FAM20A: variants seen among roughly 807,000 people sequenced by gnomAD.
The protein encoded by FAM20A is pseudokinase FAM20A.
Under a neutral mutation model 52.0 loss-of-function variants are expected in FAM20A, and 42 were observed. The observed-to-expected ratio is 0.81, with a 90% CI of 0.63 to 1.04. The LOEUF (loss-of-function observed/expected upper bound fraction) is 1.04. Ranked by LOEUF, FAM20A falls within the 50% of genes least tolerant of loss-of-function variation. The pLI is 0.00. For synonymous variants in FAM20A, 304 were observed against 298.9 expected (o/e 1.02, Z -0.18); for missense variants, 742 against 712.7 (o/e 1.04, Z -0.47).
intron 1 of FAM20A, among the ~76,000 whole-genome samples, chr17:68,572,578 C>T (rs955000816): frequency 2.0e-4 from 31 of 152,206 alleles, no homozygotes; most frequent in African/African-American, 7.5e-4. Flanking sequence ...GAAACCTCAG[C>T]ACTGCGTTTG....
At position 68,551,006 on chromosome 17, in the gene FAM20A, C is replaced by T. The variant is rs140661991; in HGVS notation, c.719+867G>A. 4.5e-4 allele frequency: 518 copies of T among 1,138,670 alleles called. 3 individuals are homozygous for T. In the African/African-American group the frequency reaches 7.7e-3, roughly 17 times the overall value. The allele number at this position is 1,138,670 out of a possible 1,614,324, so 70.5% of individuals were successfully genotyped here. On this transcript the variant is annotated intron_variant, in intron 4 of 10. Coordinates refer to ENST00000592554, the MANE Select transcript of FAM20A (RefSeq NM_017565.4). The stretch of plus-strand genomic sequence containing the variant: ...GGAATCTGCCAGTCTAATTGTATTC[C>T]ACTGGAAGAAGCACATTCTGGAGGA...
chr17:68,555,866 G>A, intron 1 of FAM20A, 123 bp from the exon 2 acceptor site: 3 of 1,164,108 alleles, frequency 2.6e-6, no homozygotes, highest in Non-Finnish European at 3.8e-6. Context: ...CATCTAATGA[G>A]GGCTAGGCTT....
chr17:68,572,616 T>C (rs2087596907), intron 1 of FAM20A, among the ~76,000 whole-genome samples: 1 of 152,114 alleles, frequency 6.6e-6, no homozygotes, highest in Non-Finnish European at 1.5e-5. Flanking sequence ...CATGATAGAA[T>C]TATGCAGAAC....
At chr17:68,550,149 G>T (rs887919034) in intron 4 of FAM20A, among the ~76,000 whole-genome samples, 3 of 152,094 alleles carry the variant, frequency 2.0e-5, no homozygotes, top group Non-Finnish European at 4.4e-5. Flanking sequence ...TTGACTCTAA[G>T]TGATGATGAC....
intron 1 of FAM20A, among the ~76,000 whole-genome samples, chr17:68,572,258 C>T (rs1396607934): frequency 2.0e-5 from 3 of 151,768 alleles, no homozygotes; most frequent in Admixed American, 1.3e-4. Flanking sequence ...ACCTGGCTCC[C>T]TTCTCAACTC....
rs149970399 is a variant in FAM20A, at chr17:68,539,955, G to A, written c.1231C>T (p.Arg411Trp). The change falls in exon 9 of 11, where the codon CGG (arginine) becomes TGG (tryptophan). Residue 411 changes from arginine to tryptophan, a missense_variant. Arg to Trp is a moderately radical substitution (Grantham distance 101). Coordinates refer to ENST00000592554, the MANE Select transcript of FAM20A (RefSeq NM_017565.4). The part of the protein sequence containing the change: ...IFDFLIGNMD[R>W]HHYEMFTKFG... ...TTGGTGAACATCTCATAATGGTGCC[G>A]GTCCATATTCCCTGTGAAGGAGGGG... 8 of 1,614,064 alleles carry A rather than the reference G, an allele frequency of 5.0e-6. No individual in the cohort carries two copies. Among genetic ancestry groups the A allele is most frequent in the Admixed American group, 1.7e-5 (1 of 60,008 alleles).
At chr17:68,582,255 G>C (rs1205357680) in intron 1 of FAM20A, 4 of 152,274 alleles carry the variant, frequency 2.6e-5, no homozygotes, top group Non-Finnish European at 2.9e-5. Flanking sequence ...ATGTAGGAGG[G>C]GAAGGGGGGC....
intron 6 of FAM20A, 86 bp from the exon 7 acceptor site, chr17:68,542,251 G>C: frequency 7.0e-7 from 1 of 1,438,818 alleles, no homozygotes; most frequent in Admixed American, 1.8e-5. Flanking sequence ...CACTGGGAGG[G>C]AAGGGAAACC....
chr17:68,543,627 A>T lies in FAM20A; in HGVS notation c.812+2T>A. 1.9e-6 allele frequency: 3 copies of T among 1,613,908 alleles called. No homozygotes were observed. Among genetic ancestry groups the T allele is most frequent in the Non-Finnish European group, 2.5e-6 (3 of 1,179,814 alleles). The stretch of plus-strand genomic sequence containing the variant: ...TGCCATCTCCATGGGGCCAGACCCT[A>T]CCTGTCCAGATGGAAAGCTGCGATC... On this transcript the variant is annotated splice_donor_variant, in intron 5 of 10. Transcript: ENST00000592554. LOFTEE classifies it high-confidence loss of function.
At position 68,568,899 on chromosome 17, in the gene FAM20A, T is replaced by G. The variant is rs534237321; in HGVS notation, c.405-13156A>C. Among the ~76,000 whole-genome samples the G allele has an allele frequency of 4.5e-4, 65 of 144,198 alleles. 1 individual carries two copies. The highest frequency in any genetic ancestry group is 1.6e-3 in the African/African-American group (64 of 39,746). 94.6% of individuals were successfully genotyped at this position (144,198 alleles called of 152,430 possible). On this transcript the variant is annotated intron_variant, in intron 1 of 10. Transcript: ENST00000592554. ...CCAGGGATTTGACGTGGATATATTT[T>G]GGGTAGGGGTGGGAGCAGGGGTGGG...
chr17:68,540,894 G>C lies in FAM20A; in HGVS notation c.1174C>G (p.Arg392Gly). Residue 392 changes from arginine (R) to glycine (G), a missense_variant, in exon 8 of 11, where the codon CGG becomes GGG. Coordinates refer to ENST00000592554, the MANE Select transcript of FAM20A (RefSeq NM_017565.4). ...GCCATGTCGATGACATTGAGGAGCC[G>C]CTGGCTGTTGTTGTACGGGTAGATC... ...KQIYPYNNSQRLLNVIDMAIF... is the reference protein window; with the variant it reads ...KQIYPYNNSQGLLNVIDMAIF... 6.2e-7 allele frequency: 1 copy of C among 1,605,208 alleles called. No homozygotes were observed. The highest frequency in any genetic ancestry group is 8.5e-7 in the Non-Finnish European group (1 of 1,176,014).
At chr17:68,540,423 A>G (rs2086233117) in intron 8 of FAM20A, 4 of 462,160 alleles carry the variant, frequency 8.7e-6, no homozygotes, top group Non-Finnish European at 1.3e-5. Context: ...GGCCACCTTC[A>G]TAAGTGTCTC....
intron 1 of FAM20A, among the ~76,000 whole-genome samples, chr17:68,560,672 G>A (rs904738812): frequency 6.6e-6 from 1 of 152,214 alleles, no homozygotes; most frequent in Non-Finnish European, 1.5e-5. Context: ...GCATGTGTGA[G>A]AGTGTATCGG....
At chr17:68,566,894 A>G (rs1245122434) in intron 1 of FAM20A, among the ~76,000 whole-genome samples, 2 of 152,240 alleles carry the variant, frequency 1.3e-5, no homozygotes, top group Non-Finnish European at 1.5e-5. Flanking sequence ...TCAAAATTTA[A>G]GGAACTTCCT....
rs1176405825 is a variant in FAM20A, at chr17:68,567,288, CT to C, written c.405-11546del. Among the ~76,000 whole-genome samples the C allele has an allele frequency of 4.6e-5, 7 of 152,036 alleles. No homozygotes were observed. In the East Asian group the frequency reaches 1.2e-3, roughly 25 times the overall value. ...CAGGCAAAGCTGTGTTCTAATGCTG[CT>C]TTTTTTGTTTGTTTTTACAAAATCA... On this transcript the variant is annotated intron_variant, in intron 1 of 10. Coordinates refer to ENST00000592554, the MANE Select transcript of FAM20A (RefSeq NM_017565.4).
intron 1 of FAM20A, among the ~76,000 whole-genome samples, chr17:68,563,112 G>A (rs976673132): frequency 1.3e-5 from 2 of 152,246 alleles, no homozygotes; most frequent in East Asian, 1.9e-4. Flanking sequence ...ACAGCCGGGC[G>A]CAGTGGCTCA....
chr17:68,597,221 CAAAA>C (rs542367925), intron 1 of FAM20A, among the ~76,000 whole-genome samples: 2 of 132,372 alleles, frequency 1.5e-5, no homozygotes, highest in Non-Finnish European at 3.3e-5. Context: ...GTCAAAATTA[CAAAA>C]AAAAAAAAAA....
chr17:68,543,244 CTG>C (rs2086389879), intron 5 of FAM20A, among the ~76,000 whole-genome samples: 1 of 152,056 alleles, frequency 6.6e-6, no homozygotes, highest in South Asian at 2.1e-4. Flanking sequence ...GTAGCAATGA[CTG>C]AGCAAATAGA....
intron 1 of FAM20A, among the ~76,000 whole-genome samples, chr17:68,595,742 C>T (rs1421927737): frequency 6.6e-6 from 1 of 152,190 alleles, no homozygotes; most frequent in Admixed American, 6.5e-5. Flanking sequence ...GGACTTTCAT[C>T]CAGCCTGCGG....
Sources: allele counts gnomAD v4.1 joint callset (sites outside exome capture counted in the v4.1 genomes callset), GRCh38; gene constraint gnomAD v4.1.1; transcripts MANE v1.5; gene names NCBI Gene and HGNC (gene_info 2026-07-23, HGNC 2026-07-21).